NFX1: variants seen among roughly 807,000 people sequenced by gnomAD.
NFX1 encodes transcriptional repressor NF-X1.
In NFX1, 69 loss-of-function variants were observed where a neutral mutation model predicts 137.2. The ratio of observed to expected loss-of-function variants is 0.50; its 90% CI spans 0.41 to 0.61. NFX1 has a LOEUF of 0.61. Ranked by LOEUF, NFX1 falls within the 20% of genes least tolerant of loss-of-function variation. NFX1 has a pLI of 0.00. For synonymous variants in NFX1, 495 were observed against 474.1 expected, an observed-to-expected ratio of 1.04 and a Z score of -0.57; for missense variants, 1,167 against 1,391.0, an observed-to-expected ratio of 0.84 and a Z score of 2.56.
At chr9:33,325,240 G>T (rs1438283671) in intron 9 of NFX1, among the ~76,000 whole-genome samples, 1 of 152,172 alleles carries the variant, frequency 6.6e-6, no homozygotes, top group African/African-American at 2.4e-5. Flanking sequence ...CTTGAAAGCA[G>T]CAAGAGAAAA....
chr9:33,349,354 A>G (rs1823551299), intron 15 of NFX1, among the ~76,000 whole-genome samples: 1 of 152,222 alleles, frequency 6.6e-6, no homozygotes, highest in African/African-American at 2.4e-5. Flanking sequence ...TTAACATCCT[A>G]AAGGATAGTG....
chr9:33,358,848 C>G (rs1823902088), intron 19 of NFX1, among the ~76,000 whole-genome samples: 1 of 150,750 alleles, frequency 6.6e-6, no homozygotes, highest in African/African-American at 2.4e-5. Context: ...TTTTTTGTAC[C>G]ACACCCAGCT....
At position 33,301,228 on chromosome 9, in the gene NFX1, A is replaced by C. The variant is rs779584046; in HGVS notation, c.1034-35A>C. ...AGTGAGGAATGGTTTTTTGTGTTTG[A>C]GTTAATCTTTTTTGTTATTTTGTTT... On this transcript the variant is annotated intron_variant, in intron 2 of 23. Transcript: ENST00000379540. 2.6e-5 allele frequency: 41 copies of C among 1,588,058 alleles called. No individual in the cohort carries two copies. In the Admixed American group the frequency reaches 3.8e-4, roughly 15 times the overall value.
intron 9 of NFX1, among the ~76,000 whole-genome samples, chr9:33,323,107 A>G (rs1018023132): frequency 2.6e-5 from 4 of 152,212 alleles, no homozygotes; most frequent in Non-Finnish European, 4.4e-5. Context: ...GAGATCGGGA[A>G]TCAAGACAAA....
chr9:33,322,951 T>TA (rs982430350), intron 9 of NFX1, among the ~76,000 whole-genome samples: 5 of 152,196 alleles, frequency 3.3e-5, no homozygotes, highest in Non-Finnish European at 7.3e-5. Context: ...CTCAAAGACT[T>TA]ACAGCAAAGA....
chr9:33,336,017 C>T lies in NFX1; in HGVS notation c.2036-2493C>T, dbSNP rs574353039. The stretch of plus-strand genomic sequence containing the variant: ...AACATTTGTATACAAGTTTTTGTTC[C>T]AATACCTATTTTCATTTCTTTGGGG... On this transcript the variant is annotated intron_variant, in intron 11 of 23. Coordinates refer to ENST00000379540, the MANE Select transcript of NFX1 (RefSeq NM_002504.6). Among the ~76,000 whole-genome samples the T allele has an allele frequency of 3.9e-5, 6 of 152,136 alleles. No individual in the cohort carries two copies. In the East Asian group the frequency reaches 7.7e-4, roughly 20 times the overall value.
chr9:33,347,195 C>A, intron 15 of NFX1, 78 bp downstream of exon 15: 2 of 1,139,322 alleles, frequency 1.8e-6, no homozygotes, highest in Non-Finnish European at 2.6e-6. Flanking sequence ...TTAGTCTCAT[C>A]GTCTGTCAAA....
intron 4 of NFX1, among the ~76,000 whole-genome samples, chr9:33,304,688 G>T (rs1821690660): frequency 6.6e-6 from 1 of 151,996 alleles, no homozygotes; most frequent in Admixed American, 6.6e-5. Context: ...TGTTTTATTT[G>T]GAATTTTCCG....
At chr9:33,354,322 G>T (rs941521638) in intron 18 of NFX1, 135 bp downstream of exon 18, 1 of 728,354 alleles carries the variant, frequency 1.4e-6, no homozygotes, top group East Asian at 2.8e-5. Context: ...ACAATTTGAT[G>T]TTGAGACATC....
chr9:33,332,780 A>G (rs1238796318), intron 11 of NFX1: 2 of 340,014 alleles, frequency 5.9e-6, no homozygotes, highest in African/African-American at 4.2e-5. Flanking sequence ...ATGTATATGA[A>G]AAAATATGTT....
intron 15 of NFX1, among the ~76,000 whole-genome samples, chr9:33,348,877 A>C (rs991113863): frequency 2.6e-5 from 4 of 151,302 alleles, no homozygotes; most frequent in Non-Finnish European, 5.9e-5. Context: ...ACTGTCCTAT[A>C]CCAAAAAAAA....
chr9:33,365,095 G>A (rs1824131729), intron 21 of NFX1: 2 of 574,176 alleles, frequency 3.5e-6, no homozygotes, highest in Non-Finnish European at 2.3e-6. Flanking sequence ...CCAACATGAC[G>A]AAACCCTGTC....
chr9:33,313,707 A>G lies in NFX1; in HGVS notation c.1502A>G (p.Glu501Gly), dbSNP rs749866424. 5 of 1,613,960 alleles carry G rather than the reference A, an allele frequency of 3.1e-6. No individual in the cohort carries two copies. In the South Asian group the frequency reaches 5.5e-5, roughly 18 times the overall value. Residue 501 changes from glutamate (E) to glycine (G), a missense_variant, in exon 7 of 24, where the codon GAG becomes GGG. Physicochemically the swap from Glu to Gly is moderately conservative, Grantham distance 98. Transcript: ENST00000379540. ...TCAGTCCACTGTTCTAACCCATGTG[A>G]GAATATTTTGAACTGTGGTCAGCAC... ...AVSVHCSNPC[E>G]NILNCGQHQC... is the part of the protein sequence containing the mutation.
rs139468485 is a variant in NFX1, at chr9:33,307,794, CTTTTTTTTTTTT to C, written c.1376+505_1376+516del. Among the ~76,000 whole-genome samples, 30 of 85,332 alleles carry C rather than the reference CTTTTTTTTTTTT, an allele frequency of 3.5e-4. 1 individual carries two copies. The highest frequency in any genetic ancestry group is 1.3e-3 in the African/African-American group (29 of 22,926). The allele number at this position is 85,332 out of a possible 152,430, so 56.0% of individuals were successfully genotyped here. A position where few individuals can be genotyped will look rare whatever the true frequency, so the allele number is the denominator to read the frequency against. On this transcript the variant is annotated intron_variant, in intron 5 of 23. Coordinates refer to ENST00000379540, the MANE Select transcript of NFX1 (RefSeq NM_002504.6). ...TGTCAATCTTTTTCTTTCTTTCTTT[CTTTTTTTTTTTT>C]TTTTTTTTTGAGACAGGGTCTCGCT... is the stretch of plus-strand genomic sequence containing the variant.
rs1463119914 is a variant in NFX1, at chr9:33,295,321, G to A, written c.927G>A (p.Arg309=). ...NLAVINKSSR[R]VDQEKCTVRR... ...CAGTCATCAACAAGTCTTCCAGGAG[G>A]GTTGACCAAGAGAAATGCACTGTAC... Residue 309 remains arginine, a synonymous_variant, in exon 2 of 24, where the codon AGG becomes AGA. Coordinates refer to ENST00000379540, the MANE Select transcript of NFX1 (RefSeq NM_002504.6). The A allele has an allele frequency of 4.3e-6, 7 of 1,614,008 alleles. No homozygotes were observed. Among genetic ancestry groups the A allele is most frequent in the Non-Finnish European group, 5.9e-6 (7 of 1,180,022 alleles).
chr9:33,347,759 CA>C, intron 15 of NFX1: 1 of 345,910 alleles, frequency 2.9e-6, no homozygotes, highest in South Asian at 2.3e-5. Flanking sequence ...TTCACAATTG[CA>C]AAAATGTGGA....
At chr9:33,323,878 A>G (rs1822479653) in intron 9 of NFX1, among the ~76,000 whole-genome samples, 1 of 152,224 alleles carries the variant, frequency 6.6e-6, no homozygotes, top group Non-Finnish European at 1.5e-5. Flanking sequence ...ATATTGATAA[A>G]GAGATAGAAA....
At chr9:33,307,133 A>G (rs983882918) in intron 4 of NFX1, 61 bp from the exon 5 acceptor site, 4 of 1,380,714 alleles carry the variant, frequency 2.9e-6, no homozygotes, top group East Asian at 2.3e-5. Flanking sequence ...TTACTGTTTC[A>G]TTAAAGTTGA....
chr9:33,309,123 C>T (rs571405792), intron 5 of NFX1, among the ~76,000 whole-genome samples: 13 of 152,230 alleles, frequency 8.5e-5, no homozygotes, highest in Non-Finnish European at 1.6e-4. Flanking sequence ...TTTGGGAGGC[C>T]AAGGCGGGTG....
Sources: gnomAD v4.1 joint callset for allele counts (sites outside exome capture counted in the v4.1 genomes callset) on GRCh38, gnomAD v4.1.1 for gene constraint, MANE v1.5 for transcripts, NCBI Gene and HGNC (gene_info 2026-07-23, HGNC 2026-07-21) for gene names.